Variants in SOX10 observed in about 807,000 individuals in gnomAD.
SOX10 encodes SRY-box transcription factor 10.
In SOX10, 3 loss-of-function variants were observed where a neutral mutation model predicts 35.0. That is an observed-to-expected ratio of 0.09 (90% CI 0.04 to 0.22). The LOEUF is 0.22. Ranked by LOEUF, SOX10 falls within the 10% of genes least tolerant of loss-of-function variation. The pLI is 1.00. For synonymous variants in SOX10, 285 were observed against 291.0 expected, an observed-to-expected ratio of 0.98 and a Z score of 0.21; for missense variants, 436 against 655.1, an observed-to-expected ratio of 0.67 and a Z score of 3.65.
rs1272618845 is a variant in SOX10 at position 37,980,898 on chromosome 22, A to G, written c.428+2459T>C. Among the ~76,000 whole-genome samples the G allele has an allele frequency of 6.6e-6, 1 of 152,192 alleles. No homozygotes were observed. Among genetic ancestry groups the G allele is most frequent in the Non-Finnish European group, 1.5e-5 (1 of 68,026 alleles). On this transcript the variant is annotated intron_variant, in intron 2 of 3. Transcript: ENST00000396884. This position sits in a 1 kb window ranked among gnomAD's most constrained non-coding sequence, Gnocchi z 4.1. ...GGGGAAGGGGCCTGTGGCACTGGGA[A>G]CAGAGGCTGGGTGACCCCCACCACA...
Position 37,983,032 on chromosome 22 carries a change from T to C in SOX10, c.428+325A>G, listed in dbSNP as rs1932449195. 6.6e-6 allele frequency among the ~76,000 whole-genome samples: 1 copy of C among 152,252 alleles called. No homozygotes were observed. Among genetic ancestry groups the C allele is most frequent in the Non-Finnish European group, 1.5e-5 (1 of 68,046 alleles). ...CAGCTGGTGGCATAGTGTGCGTATCTGTGGGCAGGAGTTAGTGAAGGCCTC... is the reference window on the plus strand; with the variant it reads ...CAGCTGGTGGCATAGTGTGCGTATCCGTGGGCAGGAGTTAGTGAAGGCCTC... On this transcript the variant is annotated intron_variant, in intron 2 of 3. Transcript: ENST00000396884. This position sits in a 1 kb window ranked among gnomAD's most constrained non-coding sequence, Gnocchi z 9.5.
In SOX10 at chr22:37,980,587, C is replaced by A. The variant is rs1456818279; in HGVS notation, c.429-2452G>T. 6.6e-6 allele frequency among the ~76,000 whole-genome samples: 1 copy of A among 152,164 alleles called. No individual in the cohort carries two copies. The highest frequency in any genetic ancestry group is 1.5e-5 in the Non-Finnish European group (1 of 68,028). ...ATTCCACCTCCACCCCAACCCCAAG[C>A]CCAGCCTGCCCACCATGTAAACCCA... On this transcript the variant is annotated intron_variant, in intron 2 of 3. Transcript: ENST00000396884. This position sits in a 1 kb window ranked among gnomAD's most constrained non-coding sequence, Gnocchi z 4.1.
rs533332512 is a variant in SOX10 at position 37,972,489 on chromosome 22, A to G, written c.*1006T>C. The G allele has an allele frequency of 3.1e-6, 1 of 319,760 alleles. No homozygotes were observed. The highest frequency in any genetic ancestry group is 8.6e-5 in the East Asian group (1 of 11,570). The allele number at this position is 319,760 out of a possible 1,614,324, so 19.8% of individuals were successfully genotyped here. On this transcript the variant is annotated 3_prime_UTR_variant, in exon 4 of 4. Transcript: ENST00000396884. Reference sequence around the variant, plus strand: ...CAGATATAGCTACATACTTTATTCAAATACCACTGGGAGGCAAGGGGTAAG... The same window carrying G: ...CAGATATAGCTACATACTTTATTCAGATACCACTGGGAGGCAAGGGGTAAG...
chr22:37,983,154 C>T lies in SOX10; in HGVS notation c.428+203G>A, dbSNP rs1273697655. ...CCTGCCCGCCGCCCCGTAGGGAGACCCGGCCTAGGCCGCTGGAGTTCCGAG... is the reference window on the plus strand; with the variant it reads ...CCTGCCCGCCGCCCCGTAGGGAGACTCGGCCTAGGCCGCTGGAGTTCCGAG... On this transcript the variant is annotated intron_variant, in intron 2 of 3. Transcript: ENST00000396884. This position sits in a 1 kb window ranked among gnomAD's most constrained non-coding sequence, Gnocchi z 9.5. 6.6e-6 allele frequency among the ~76,000 whole-genome samples: 1 copy of T among 152,222 alleles called. No homozygotes were observed. The highest frequency in any genetic ancestry group is 2.1e-4 in the South Asian group (1 of 4,832).
chr22:37,983,263 C>T lies in SOX10; in HGVS notation c.428+94G>A, dbSNP rs1322891041. The T allele has an allele frequency of 2.8e-6, 4 of 1,404,204 alleles. No homozygotes were observed. Among genetic ancestry groups the T allele is most frequent in the Non-Finnish European group, 3.9e-6 (4 of 1,024,594 alleles). 87.0% of individuals were successfully genotyped at this position (1,404,204 alleles called of 1,614,324 possible). On this transcript the variant is annotated intron_variant, in intron 2 of 3. Coordinates refer to ENST00000396884, the MANE Select transcript of SOX10 (RefSeq NM_006941.4). The surrounding 1 kb of genome is among the most constrained non-coding windows in gnomAD (Gnocchi z 9.5). ...TATCCAAGGAGGACTGCCAGACAGTCCCGCTCTGAGGTGCAGGAGGCCGGG... is the reference window on the plus strand; with the variant it reads ...TATCCAAGGAGGACTGCCAGACAGTTCCGCTCTGAGGTGCAGGAGGCCGGG...
rs1195932314 is a variant in SOX10 at position 37,978,677 on chromosome 22, T to A, written c.429-542A>T. ...CCTATAAAAGGATGATAACATTGGCTTAACTTGGGTGTGGGATTGGCCAGA... is the reference window on the plus strand; with the variant it reads ...CCTATAAAAGGATGATAACATTGGCATAACTTGGGTGTGGGATTGGCCAGA... On this transcript the variant is annotated intron_variant, in intron 2 of 3. Transcript: ENST00000396884. The surrounding 1 kb of genome is among the most constrained non-coding windows in gnomAD (Gnocchi z 5.0). Among the ~76,000 whole-genome samples, 1 of 152,224 alleles carries A rather than the reference T, an allele frequency of 6.6e-6. No individual in the cohort carries two copies. Among genetic ancestry groups the A allele is most frequent in the Non-Finnish European group, 1.5e-5 (1 of 68,044 alleles).
intron 2 of SOX10, among the ~76,000 whole-genome samples, chr22:37,979,222 C>T (rs1470457061): frequency 3.9e-5 from 6 of 152,076 alleles, no homozygotes. Flanking sequence ...CTCAGCCTCC[C>T]GGGTAGCTGG....
chr22:37,974,265 G>A lies in SOX10; in HGVS notation c.698-67C>T, dbSNP rs539294238. 1.3e-5 allele frequency: 16 copies of A among 1,246,350 alleles called. No homozygotes were observed. The East Asian group carries it at 2.3e-4, about 18-fold the overall frequency. 77.2% of individuals were successfully genotyped at this position (1,246,350 alleles called of 1,614,324 possible). ...GCAGGTTAGAGGCAGGTGGGCGCACGTGAACTTCCATGGTTCACCTTCAGG... is the reference window on the plus strand; with the variant it reads ...GCAGGTTAGAGGCAGGTGGGCGCACATGAACTTCCATGGTTCACCTTCAGG... On this transcript the variant is annotated intron_variant, in intron 3 of 3. Transcript: ENST00000396884. This position sits in a 1 kb window ranked among gnomAD's most constrained non-coding sequence, Gnocchi z 5.4.
Position 37,976,590 on chromosome 22 carries a change from C to T in SOX10, c.697+1277G>A, listed in dbSNP as rs569252609. Among the ~76,000 whole-genome samples, 49 of 152,306 alleles carry T rather than the reference C, an allele frequency of 3.2e-4. 1 individual carries two copies. The highest frequency in any genetic ancestry group is 6.8e-3 in the Middle Eastern group (2 of 294). On this transcript the variant is annotated intron_variant, in intron 3 of 3. Transcript: ENST00000396884. ...TGTCACTTTCTGTACATTAGGAACA[C>T]AGGCAAGGCAGCTGTGGTGCCAAGC... is the stretch of plus-strand genomic sequence containing the variant.
rs1932122190 is a variant in SOX10, at chr22:37,973,501, C to T, written c.1395G>A (p.Arg465=). The T allele has an allele frequency of 1.9e-6, 3 of 1,593,342 alleles. No individual in the cohort carries two copies. The highest frequency in any genetic ancestry group is 2.6e-6 in the Non-Finnish European group (3 of 1,169,314). Residue 465 remains arginine, a synonymous_variant, in exon 4 of 4, where the codon CGG becomes CGA. Transcript: ENST00000396884. The part of the protein sequence containing the change: ...WEQPVYTTLS[R]P ...GGTGGCGACAGGGCCCCCTTTAGGG[C>T]CGGGACAGTGTCGTATATACTGGCT...
chr22:37,984,006 A>C lies in SOX10; in HGVS notation c.-84-138T>G. 6 of 315,472 alleles carry C rather than the reference A, an allele frequency of 1.9e-5. No individual in the cohort carries two copies. The highest frequency in any genetic ancestry group is 5.3e-5 in the Admixed American group (1 of 19,006). The allele number at this position is 315,472 out of a possible 1,614,324, so 19.5% of individuals were successfully genotyped here. A position where few individuals can be genotyped will look rare whatever the true frequency, so the allele number is the denominator to read the frequency against. On this transcript the variant is annotated intron_variant, in intron 1 of 3. Coordinates refer to ENST00000396884, the MANE Select transcript of SOX10 (RefSeq NM_006941.4). The surrounding 1 kb of genome is among the most constrained non-coding windows in gnomAD (Gnocchi z 4.4). Reference sequence around the variant, plus strand: ...CATCTGGCCCCTGGGGCCCACGCACATGCCAGACTCTAGGTGGGTGCGTCC... The same window carrying C: ...CATCTGGCCCCTGGGGCCCACGCACCTGCCAGACTCTAGGTGGGTGCGTCC...
intron 2 of SOX10, among the ~76,000 whole-genome samples, chr22:37,981,080 G>A (rs1932381106): frequency 6.6e-6 from 1 of 152,204 alleles, no homozygotes; most frequent in Non-Finnish European, 1.5e-5. Flanking sequence ...GGGCTGACAC[G>A]GCCCCTTAGG....
rs1230423985 is a variant in SOX10 at position 37,983,275 on chromosome 22, T to C, written c.428+82A>G. 2 of 1,464,072 alleles carry C rather than the reference T, an allele frequency of 1.4e-6. No homozygotes were observed. The highest frequency in any genetic ancestry group is 1.9e-6 in the Non-Finnish European group (2 of 1,076,740). The allele number at this position is 1,464,072 out of a possible 1,614,324, so 90.7% of individuals were successfully genotyped here. A position where few individuals can be genotyped will look rare whatever the true frequency, so the allele number is the denominator to read the frequency against. On this transcript the variant is annotated intron_variant, in intron 2 of 3. Coordinates refer to ENST00000396884, the MANE Select transcript of SOX10 (RefSeq NM_006941.4). This position sits in a 1 kb window ranked among gnomAD's most constrained non-coding sequence, Gnocchi z 9.5. ...ACTGCCAGACAGTCCCGCTCTGAGG[T>C]GCAGGAGGCCGGGCCGCCTCGGCTA... is the stretch of plus-strand genomic sequence containing the variant.
At position 37,973,254 on chromosome 22, in the gene SOX10, T is replaced by C; in HGVS notation, c.*241A>G. ...GCAGCCCCTCATCTTTCAGTGTGGG[T>C]GCAACAGTCAACCTCCTTCTCCTCT... is the stretch of plus-strand genomic sequence containing the variant. On this transcript the variant is annotated 3_prime_UTR_variant, in exon 4 of 4. Coordinates refer to ENST00000396884, the MANE Select transcript of SOX10 (RefSeq NM_006941.4). The C allele has an allele frequency of 2.0e-6, 1 of 492,930 alleles. No individual in the cohort carries two copies. The highest frequency in any genetic ancestry group is 3.9e-5 in the South Asian group (1 of 25,616). The allele number at this position is 492,930 out of a possible 1,614,324, so 30.5% of individuals were successfully genotyped here.
At chr22:37,982,158 C>T (rs1299226716) in intron 2 of SOX10, among the ~76,000 whole-genome samples, 1 of 152,170 alleles carries the variant, frequency 6.6e-6, no homozygotes, top group Non-Finnish European at 1.5e-5. Flanking sequence ...CCTGACCACT[C>T]CTCAAAGTGT....
rs8137005 is a variant in SOX10 at position 37,978,760 on chromosome 22, G to A, written c.429-625C>T. On this transcript the variant is annotated intron_variant, in intron 2 of 3. Transcript: ENST00000396884. The surrounding 1 kb of genome is among the most constrained non-coding windows in gnomAD (Gnocchi z 5.0). ...TGGGAAGCGGGCTGAGCACCTTGAG[G>A]AAGAGGTGCTTTTCTTTCTTTCTTT... is the stretch of plus-strand genomic sequence containing the variant. Among the ~76,000 whole-genome samples, 5,280 of 152,142 alleles carry A rather than the reference G, an allele frequency of 0.035. 297 individuals are homozygous for A. The highest frequency in any genetic ancestry group is 0.12 in the African/African-American group (5,035 of 41,456).
rs1178360968 is a variant in SOX10 at position 37,980,905 on chromosome 22, C to A, written c.428+2452G>T. Among the ~76,000 whole-genome samples, 2 of 152,216 alleles carry A rather than the reference C, an allele frequency of 1.3e-5. No individual in the cohort carries two copies. Among genetic ancestry groups the A allele is most frequent in the Non-Finnish European group, 1.5e-5 (1 of 68,046 alleles). ...GGGCCTGTGGCACTGGGAACAGAGG[C>A]TGGGTGACCCCCACCACACAGGAGG... On this transcript the variant is annotated intron_variant, in intron 2 of 3. Transcript: ENST00000396884. The surrounding 1 kb of genome is among the most constrained non-coding windows in gnomAD (Gnocchi z 4.1).
chr22:37,983,624 A>G lies in SOX10; in HGVS notation c.161T>C (p.Val54Ala). 2 of 1,604,846 alleles carry G rather than the reference A, an allele frequency of 1.2e-6. No homozygotes were observed. Among genetic ancestry groups the G allele is most frequent in the Non-Finnish European group, 1.7e-6 (2 of 1,178,546 alleles). ...CTCGCCGTCCTGCTGCTCCTTCTTG[A>G]CCTTGCCCAGCTCGCCTGGCCCCGG... ...ASPGPGELGK[V>A]KKEQQDGEAD... is the part of the protein sequence containing the mutation. The change falls in exon 2 of 4, where the codon GTC (valine) becomes GCC (alanine). Residue 54 changes from valine (V) to alanine (A), a missense_variant. By Grantham distance (64) the Val-to-Ala change is moderately conservative. Transcript: ENST00000396884. This position sits in a 1 kb window ranked among gnomAD's most constrained non-coding sequence, Gnocchi z 9.5.
intron 2 of SOX10, among the ~76,000 whole-genome samples, chr22:37,981,533 G>C (rs1368342839): frequency 6.6e-6 from 1 of 152,178 alleles, no homozygotes; most frequent in Non-Finnish European, 1.5e-5. Context: ...GGGAACCTGG[G>C]GACAGGGACA....
Sources: allele counts gnomAD v4.1 joint callset (sites outside exome capture counted in the v4.1 genomes callset), GRCh38; gene constraint gnomAD v4.1.1; non-coding constraint Gnocchi (gnomAD v3.1); transcripts MANE v1.5; gene names NCBI Gene and HGNC (gene_info 2026-07-23, HGNC 2026-07-21).